The following HGS variants were observed in gnomAD, a reference collection of about 807,000 sequenced individuals.
HGS encodes the protein hepatocyte growth factor-regulated tyrosine kinase substrate.
In HGS, 63 loss-of-function variants were observed where a neutral mutation model predicts 109.7. The observed-to-expected ratio is 0.57, with a 90% CI of 0.47 to 0.71. The LOEUF is 0.71. Among genes scored for constraint, HGS ranks in the 30% least tolerant of loss-of-function variants. HGS has a pLI of 0.00. For synonymous variants in HGS, 546 were observed against 437.3 expected, an observed-to-expected ratio of 1.25 and a Z score of -3.10; for missense variants, 995 against 1,068.3, an observed-to-expected ratio of 0.93 and a Z score of 0.96.
At chr17:81,686,176 C>A (rs66508304) in intron 2 of HGS, 136 bp from the exon 3 acceptor site, 48,124 of 690,218 alleles carry the variant, frequency 0.07, 2,599 homozygotes, top group East Asian at 0.27. Context: ...AGCAATCCTC[C>A]TGCCTTGGCC....
At chr17:81,684,918 C>T (rs892538892) in intron 1 of HGS, 25 of 985,216 alleles carry the variant, frequency 2.5e-5, no homozygotes, top group African/African-American at 5.2e-5. Flanking sequence ...GGGATGAATC[C>T]AGAGGTTAAC....
rs2037018579 is a variant in HGS at position 81,688,624 on chromosome 17, T to TATGCCAGCTGCTTCCTCACACCGAGGC, written c.292-80_292-79insATGCCAGCTGCTTCCTCACACCGAGGC. On this transcript the variant is annotated intron_variant, in intron 4 of 21. Coordinates refer to ENST00000329138, the MANE Select transcript of HGS (RefSeq NM_004712.5). ...AGCCCCATCTGCTCAGAGGCTGAGG[T>TATGCCAGCTGCTTCCTCACACCGAGGC]CTGCCAGCTGCTTCCTCACACCGAG... The TATGCCAGCTGCTTCCTCACACCGAGGC allele has an allele frequency of 3.8e-6, 6 of 1,561,246 alleles. No homozygotes were observed. The African/African-American group carries it at 8.2e-5, about 21-fold the overall frequency.
At position 81,684,077 on chromosome 17, in the gene HGS, G is replaced by T; in HGVS notation, c.11G>T (p.Gly4Val). Residue 4 changes from glycine to valine, a missense_variant, in exon 1 of 22, where the codon GGC (glycine) becomes GTC (valine). Physicochemically the swap from Gly to Val is moderately radical, Grantham distance 109 (BLOSUM62 -3). Around this residue, in one of 6 missense-constraint regions of HGS, gnomAD observed 23 missense variants for 25.4 expected, o/e 0.91. Coordinates refer to ENST00000329138, the MANE Select transcript of HGS (RefSeq NM_004712.5). ...GGGCTGGAGGTCGCCATGGGGCGAG[G>T]CAGCGGCACCTTCGAGCGTCTCCTA... MGR[G>V]SGTFERLLDK... 6.3e-7 allele frequency: 1 copy of T among 1,594,910 alleles called. No homozygotes were observed.
rs529151613 is a variant in HGS, at chr17:81,696,279, A to G, written c.1394-78A>G. On this transcript the variant is annotated intron_variant, in intron 15 of 21. Coordinates refer to ENST00000329138, the MANE Select transcript of HGS (RefSeq NM_004712.5). ...CAGAAGGTTGGGCACAGGGCGGCCC[A>G]TCTGCGTGTCCGTTCCACCCAGGAG... 11 of 1,443,456 alleles carry G rather than the reference A, an allele frequency of 7.6e-6. No homozygotes were observed. The South Asian group carries it at 1.6e-4, about 21-fold the overall frequency. 89.4% of individuals were successfully genotyped at this position (1,443,456 alleles called of 1,614,324 possible).
rs886865217 is a variant in HGS, at chr17:81,687,242, G to C, written c.291+147G>C. On this transcript the variant is annotated intron_variant, in intron 4 of 21. Transcript: ENST00000329138. ...GGTGGTCCCTGCACTGCGCAAGCTC[G>C]CACTCATGAGTCGGAGAGACAGGGC... is the stretch of plus-strand genomic sequence containing the variant. 4.6e-6 allele frequency: 3 copies of C among 645,746 alleles called. No homozygotes were observed. The African/African-American group carries it at 5.4e-5, about 12-fold the overall frequency. 40.0% of individuals were successfully genotyped at this position (645,746 alleles called of 1,614,324 possible). A position where few individuals can be genotyped will look rare whatever the true frequency, so the allele number is the denominator to read the frequency against.
At chr17:81,693,836 C>T in intron 10 of HGS, 34 bp from the exon 11 acceptor site, 1 of 1,569,220 alleles carries the variant, frequency 6.4e-7, no homozygotes, top group Non-Finnish European at 8.6e-7. Flanking sequence ...GCGTCACGTG[C>T]ACCCAAGTGA....
rs1815472739 is a variant in HGS at position 81,690,761 on chromosome 17, G to A, written c.537+19G>A. ...CCGTAAGGTGAGTTCCCACCTGGGG[G>A]GCTCTACAGCCCCGGCCAGACACCA... is the stretch of plus-strand genomic sequence containing the variant. On this transcript the variant is annotated intron_variant, in intron 7 of 21. Coordinates refer to ENST00000329138, the MANE Select transcript of HGS (RefSeq NM_004712.5). The A allele has an allele frequency of 6.2e-7, 1 of 1,607,866 alleles. No individual in the cohort carries two copies. The highest frequency in any genetic ancestry group is 1.3e-5 in the African/African-American group (1 of 74,796).
In HGS at chr17:81,696,493, G is replaced by T; in HGVS notation, c.1530G>T (p.Leu510=). 1 of 1,527,884 alleles carries T rather than the reference G, an allele frequency of 6.5e-7. No homozygotes were observed. 94.6% of individuals were successfully genotyped at this position (1,527,884 alleles called of 1,614,324 possible). Residue 510 remains leucine, a synonymous_variant, in exon 16 of 22, where the codon CTG becomes CTT. Transcript: ENST00000329138. ...EEAERQRQIQ[L]AQKLEIMRQK... is the part of the protein sequence containing the mutation. ...CAGAGCGCCAGCGCCAGATCCAGCT[G>T]GCCCAGAAGCTGGAGATAATGCGGC...
rs148069863 is a variant in HGS, at chr17:81,691,782, G to A, written c.662+211G>A. On this transcript the variant is annotated intron_variant, in intron 8 of 21. Transcript: ENST00000329138. The surrounding 1 kb of genome is among the most constrained non-coding windows in gnomAD (Gnocchi z 5.3). ...GTGGGTGTGAGAGACAGGGCGCCGC[G>A]GCTCCAGGGACCGAGGCTGCCCCGA... 4.5e-4 allele frequency: 246 copies of A among 546,670 alleles called. 3 individuals are homozygous for A. The highest frequency in any genetic ancestry group is 3.5e-3 in the African/African-American group (187 of 53,078). 33.9% of individuals were successfully genotyped at this position (546,670 alleles called of 1,614,324 possible).
intron 18 of HGS, chr17:81,697,592 ACTGTG>A (rs2037174672): frequency 7.1e-6 from 1 of 141,716 alleles, no homozygotes; most frequent in African/African-American, 2.8e-5. Flanking sequence ...AGGGGTTTTC[ACTGTG>A]AAGTGACTGT....
intron 6 of HGS, 151 bp downstream of exon 6, chr17:81,690,385 A>T: frequency 1.2e-6 from 1 of 819,538 alleles, no homozygotes; most frequent in East Asian, 2.5e-5. Flanking sequence ...GCGGAGGCGT[A>T]GCAGCTGTCT....
chr17:81,691,886 A>C lies in HGS; in HGVS notation c.662+315A>C, dbSNP rs1195980387. The C allele has an allele frequency of 3.7e-6, 1 of 272,246 alleles. No individual in the cohort carries two copies. The highest frequency in any genetic ancestry group is 4.5e-5 in the Admixed American group (1 of 22,236). 16.9% of individuals were successfully genotyped at this position (272,246 alleles called of 1,614,324 possible). A position where few individuals can be genotyped will look rare whatever the true frequency, so the allele number is the denominator to read the frequency against. ...ATAAAACTTACAGAAAAGTTGCAAG[A>C]GTAGCACAGAGAAGCTGCGGGGCCG... On this transcript the variant is annotated intron_variant, in intron 8 of 21. Coordinates refer to ENST00000329138, the MANE Select transcript of HGS (RefSeq NM_004712.5). This position sits in a 1 kb window ranked among gnomAD's most constrained non-coding sequence, Gnocchi z 5.3.
intron 8 of HGS, chr17:81,693,157 C>T (rs7216239): frequency 0.11 from 31,456 of 282,742 alleles, 2,080 homozygotes; most frequent in Middle Eastern, 0.15. Context: ...CCTGTTTGCC[C>T]CTTCTTGGGT....
chr17:81,690,915 T>G (rs1598745855), intron 7 of HGS, 173 bp downstream of exon 7: 1 of 574,488 alleles, frequency 1.7e-6, no homozygotes, highest in African/African-American at 1.9e-5. Context: ...AGGGCCCACG[T>G]AAGGGCCTGA....
chr17:81,695,401 C>T (rs763946302), intron 14 of HGS, among the ~76,000 whole-genome samples, 178 bp downstream of exon 14: 17 of 152,248 alleles, frequency 1.1e-4, no homozygotes, highest in Non-Finnish European at 1.9e-4. Context: ...AATGGAAACT[C>T]TACACCAGGC....
intron 20 of HGS, 99 bp from the exon 21 acceptor site, chr17:81,700,946 T>C: frequency 6.6e-7 from 1 of 1,523,466 alleles, no homozygotes; most frequent in Non-Finnish European, 9.1e-7. Flanking sequence ...ACTCTCTGGG[T>C]GCTCCCTGTG....
Position 81,691,389 on chromosome 17 carries a change from G to T in HGS, c.538-58G>T. 6.2e-7 allele frequency: 1 copy of T among 1,607,150 alleles called. No individual in the cohort carries two copies. The highest frequency in any genetic ancestry group is 8.5e-7 in the Non-Finnish European group (1 of 1,177,802). On this transcript the variant is annotated intron_variant, in intron 7 of 21. Transcript: ENST00000329138. The surrounding 1 kb of genome is among the most constrained non-coding windows in gnomAD (Gnocchi z 5.3). ...CATCGTACGGGGTGGTTCTGGGCCG[G>T]GTGGCGCATCAGGGTCCCCCAGTGC...
rs551988822 is a variant in HGS at position 81,691,905 on chromosome 17, G to A, written c.662+334G>A. 5 of 216,388 alleles carry A rather than the reference G, an allele frequency of 2.3e-5. No homozygotes were observed. The highest frequency in any genetic ancestry group is 2.2e-4 in the East Asian group (2 of 9,132). The allele number at this position is 216,388 out of a possible 1,614,324, so 13.4% of individuals were successfully genotyped here. On this transcript the variant is annotated intron_variant, in intron 8 of 21. Coordinates refer to ENST00000329138, the MANE Select transcript of HGS (RefSeq NM_004712.5). This position sits in a 1 kb window ranked among gnomAD's most constrained non-coding sequence, Gnocchi z 5.3. ...TGCAAGAGTAGCACAGAGAAGCTGC[G>A]GGGCCGCGGCCAGTGCCTCAGCGGT...
chr17:81,700,681 C>A lies in HGS; in HGVS notation c.2017-14C>A. 6.2e-7 allele frequency: 1 copy of A among 1,602,072 alleles called. No individual in the cohort carries two copies. Among genetic ancestry groups the A allele is most frequent in the Non-Finnish European group, 8.5e-7 (1 of 1,173,164 alleles). On this transcript the variant is annotated splice_polypyrimidine_tract_variant and intron_variant, in intron 19 of 21. Coordinates refer to ENST00000329138, the MANE Select transcript of HGS (RefSeq NM_004712.5). ...CCCCAGCCCCTTCTCCCATGGCACT[C>A]ATTCCCTCCGCAGAACGTGGCCTCC...
Sources: allele counts gnomAD v4.1 joint callset (sites outside exome capture counted in the v4.1 genomes callset), GRCh38; gene constraint gnomAD v4.1.1; regional missense constraint gnomAD v4.1.1; non-coding constraint Gnocchi (gnomAD v3.1); transcripts MANE v1.5; gene names NCBI Gene and HGNC (gene_info 2026-07-23, HGNC 2026-07-21).